Variants in SHOC2 observed in about 807,000 individuals in gnomAD.
The protein encoded by SHOC2 is leucine-rich repeat protein SHOC-2.
SHOC2 carries 4 observed loss-of-function variants against 50.2 expected under a neutral mutation model. The observed-to-expected ratio is 0.08, with a 90% CI of 0.04 to 0.18. SHOC2 has a LOEUF of 0.18. Among genes scored for constraint, SHOC2 ranks in the 10% least tolerant of loss-of-function variants. The pLI is 1.00. For missense variants in SHOC2, 388 were observed against 669.6 expected, an observed-to-expected ratio of 0.58 and a Z score of 4.64; for synonymous variants, 218 against 244.5, an observed-to-expected ratio of 0.89 and a Z score of 1.01.
chr10:110,936,604 T>TTTTTA, intron 1 of SHOC2: 2 of 761,842 alleles, frequency 2.6e-6, no homozygotes, highest in East Asian at 5.7e-5. Flanking sequence ...TTTTTTTTTT[T>TTTTTA]AACAGTCTTT....
At chr10:110,951,963 A>C (rs1020799524) in intron 1 of SHOC2, among the ~76,000 whole-genome samples, 1 of 152,086 alleles carries the variant, frequency 6.6e-6, no homozygotes, top group Non-Finnish European at 1.5e-5. Flanking sequence ...TGGCCTAATA[A>C]TGTCTTTTCA....
intron 2 of SHOC2, among the ~76,000 whole-genome samples, chr10:110,984,349 G>T (rs183512173): frequency 6.6e-6 from 1 of 151,946 alleles, no homozygotes; most frequent in Non-Finnish European, 1.5e-5. Context: ...CTTCTTTGAG[G>T]TTTTTTGTGG....
intron 1 of SHOC2, among the ~76,000 whole-genome samples, chr10:110,931,714 C>A (rs570361902): frequency 3.3e-5 from 5 of 151,738 alleles, no homozygotes; most frequent in African/African-American, 1.2e-4. Context: ...ATTTTGTGCT[C>A]AATAAAAGGT....
intron 1 of SHOC2, among the ~76,000 whole-genome samples, chr10:110,950,340 C>T (rs990326249): frequency 9.9e-5 from 15 of 151,934 alleles, no homozygotes; most frequent in African/African-American, 3.4e-4. Context: ...ATGATCTACA[C>T]AGAAATCGAT....
intron 4 of SHOC2, among the ~76,000 whole-genome samples, chr10:111,003,430 T>C (rs1848415241): frequency 6.6e-6 from 1 of 152,214 alleles, no homozygotes; most frequent in African/African-American, 2.4e-5. Flanking sequence ...TATTCCAGTT[T>C]TCCTTGCTTT....
chr10:110,958,394 A>G (rs754827203), intron 1 of SHOC2, among the ~76,000 whole-genome samples: 2 of 151,918 alleles, frequency 1.3e-5, no homozygotes, highest in African/African-American at 2.4e-5. Flanking sequence ...TTGTATTTTT[A>G]ATAGAGACGG....
chr10:110,995,511 A>T (rs971448290), intron 3 of SHOC2, among the ~76,000 whole-genome samples: 14 of 152,324 alleles, frequency 9.2e-5, no homozygotes, highest in African/African-American at 2.6e-4. Flanking sequence ...ACAAGGAAAC[A>T]AGCTAAGTGG....
At chr10:110,945,204 G>A (rs114803431) in intron 1 of SHOC2, among the ~76,000 whole-genome samples, 1,818 of 152,214 alleles carry the variant, frequency 0.012, 41 homozygotes, top group African/African-American at 0.042. Flanking sequence ...GGGAAAAGGC[G>A]TTTTGCATTG....
At chr10:110,938,673 C>G (rs1847078406) in intron 1 of SHOC2, among the ~76,000 whole-genome samples, 1 of 152,120 alleles carries the variant, frequency 6.6e-6, no homozygotes. Flanking sequence ...CTAATAATTT[C>G]TACTTAAAGG....
Position 111,009,760 on chromosome 10 carries a change from T to C in SHOC2, c.1470T>C (p.Ile490=), listed in dbSNP as rs773346585. ...NNQLTTLPRG[I]GHLTNLTHLG... ...AGTTGACCACTCTTCCCAGAGGCAT[T>C]GGTCACCTTACTAATCTCACACATC... The change falls in exon 8 of 9, where the codon ATT becomes ATC. Residue 490 remains isoleucine, a synonymous_variant. Coordinates refer to ENST00000369452, the MANE Select transcript of SHOC2 (RefSeq NM_007373.4). 1.2e-6 allele frequency: 2 copies of C among 1,613,496 alleles called. No homozygotes were observed. The highest frequency in any genetic ancestry group is 1.7e-6 in the Non-Finnish European group (2 of 1,179,524).
chr10:110,936,412 G>A (rs1229374493), intron 1 of SHOC2, among the ~76,000 whole-genome samples: 1 of 151,744 alleles, frequency 6.6e-6, no homozygotes, highest in Non-Finnish European at 1.5e-5. Flanking sequence ...CTGCTTCACT[G>A]ATGTTTAAAC....
chr10:110,958,956 T>C (rs942515395), intron 1 of SHOC2, among the ~76,000 whole-genome samples: 2 of 152,096 alleles, frequency 1.3e-5, no homozygotes, highest in African/African-American at 4.8e-5. Flanking sequence ...TCTGTAACAC[T>C]TCCTTACTCT....
At chr10:110,963,918 C>G (rs1847621087) in intron 1 of SHOC2, among the ~76,000 whole-genome samples, 1 of 152,110 alleles carries the variant, frequency 6.6e-6, no homozygotes, top group African/African-American at 2.4e-5. Context: ...ATTCATACAT[C>G]TTCCTATTAG....
At chr10:110,993,700 AC>A (rs1328238911) in intron 3 of SHOC2, among the ~76,000 whole-genome samples, 1 of 152,100 alleles carries the variant, frequency 6.6e-6, no homozygotes, top group Non-Finnish European at 1.5e-5. Flanking sequence ...AATTCTAGGA[AC>A]CTACTCTGGT....
intron 1 of SHOC2, among the ~76,000 whole-genome samples, chr10:110,923,622 C>T (rs1203129137): frequency 6.6e-6 from 1 of 152,114 alleles, no homozygotes; most frequent in African/African-American, 2.4e-5. Context: ...TCCAACTTCT[C>T]TAAAGGTCAG....
At position 110,965,184 on chromosome 10, in the gene SHOC2, T is replaced by C. The variant is rs1450747364; in HGVS notation, c.703+123T>C. The C allele has an allele frequency of 3.7e-6, 3 of 814,388 alleles. No individual in the cohort carries two copies. The East Asian group carries it at 8.0e-5, about 22-fold the overall frequency. The allele number at this position is 814,388 out of a possible 1,614,324, so 50.4% of individuals were successfully genotyped here. On this transcript the variant is annotated intron_variant, in intron 2 of 8. Coordinates refer to ENST00000369452, the MANE Select transcript of SHOC2 (RefSeq NM_007373.4). ...ACAGCTTATTTCTAAATTACAACTT[T>C]TTTATGGTTTACTTTATTCCATTTT...
At chr10:110,975,036 T>A (rs1847850142) in intron 2 of SHOC2, among the ~76,000 whole-genome samples, 1 of 152,230 alleles carries the variant, frequency 6.6e-6, no homozygotes, top group Non-Finnish European at 1.5e-5. Flanking sequence ...ATATAACCAT[T>A]GTATAGTGAT....
Position 110,970,828 on chromosome 10 carries a change from T to A in SHOC2, c.703+5767T>A, listed in dbSNP as rs190207412. Among the ~76,000 whole-genome samples the A allele has an allele frequency of 4.6e-5, 7 of 152,160 alleles. No homozygotes were observed. In the East Asian group the frequency reaches 1.4e-3, roughly 29 times the overall value. ...TTTTCATTCCCCTGATGATTAGTGA[T>A]GTTGAGCATTTTTTCGTATACCTTT... On this transcript the variant is annotated intron_variant, in intron 2 of 8. Coordinates refer to ENST00000369452, the MANE Select transcript of SHOC2 (RefSeq NM_007373.4).
intron 3 of SHOC2, among the ~76,000 whole-genome samples, chr10:111,000,008 G>C (rs957237519): frequency 2.0e-5 from 3 of 151,970 alleles, no homozygotes; most frequent in Non-Finnish European, 4.4e-5. Context: ...CCAAAATTAC[G>C]TGTACATACT....
Sources: gnomAD v4.1 joint callset for allele counts (sites outside exome capture counted in the v4.1 genomes callset) on GRCh38, gnomAD v4.1.1 for gene constraint, MANE v1.5 for transcripts, NCBI Gene and HGNC (gene_info 2026-07-23, HGNC 2026-07-21) for gene names.